DYM: variants seen among roughly 807,000 people sequenced by gnomAD.
DYM encodes the protein dymeclin.
In DYM, 78 loss-of-function variants were observed where a neutral mutation model predicts 93.1. The observed-to-expected ratio is 0.84, with a 90% CI of 0.70 to 1.01. The LOEUF is 1.01. DYM is among the 50% of genes least tolerant of loss of function. The pLI, the probability that DYM is intolerant of heterozygous loss-of-function variation, is 0.00. For missense variants in DYM, 789 were observed against 845.0 expected, an observed-to-expected ratio of 0.93 and a Z score of 0.82; for synonymous variants, 321 against 319.7, an observed-to-expected ratio of 1.00 and a Z score of -0.04.
intron 14 of DYM, among the ~76,000 whole-genome samples, chr18:49,191,444 C>G (rs2090966510): frequency 6.6e-6 from 1 of 151,770 alleles, no homozygotes; most frequent in African/African-American, 2.4e-5. Context: ...AAAAAAAAAT[C>G]AAACCTGTAT....
chr18:49,206,914 G>T (rs1246155245), intron 14 of DYM, among the ~76,000 whole-genome samples: 1 of 152,192 alleles, frequency 6.6e-6, no homozygotes, highest in Non-Finnish European at 1.5e-5. Context: ...AACAGAAAAT[G>T]CAGAATAAAT....
chr18:49,387,574 T>C (rs1379051397), intron 3 of DYM, among the ~76,000 whole-genome samples: 2 of 152,172 alleles, frequency 1.3e-5, no homozygotes, highest in Non-Finnish European at 2.9e-5. Context: ...CCTGGTCGAA[T>C]CCGTGATCTT....
intron 15 of DYM, among the ~76,000 whole-genome samples, chr18:49,150,108 G>A (rs968776191): frequency 5.9e-5 from 9 of 152,174 alleles, no homozygotes; most frequent in Non-Finnish European, 1.5e-5. Flanking sequence ...TAATGGGTAT[G>A]GGAAATTTAG....
intron 1 of DYM, among the ~76,000 whole-genome samples, chr18:49,431,557 CTTGAT>C (rs1433403581): frequency 6.6e-6 from 1 of 152,098 alleles, no homozygotes; most frequent in East Asian, 1.9e-4. Context: ...CATGTTTTAT[CTTGAT>C]TTGTTCAGAA....
chr18:49,186,686 CA>C (rs1235995725), intron 14 of DYM, among the ~76,000 whole-genome samples: 1 of 152,066 alleles, frequency 6.6e-6, no homozygotes, highest in Admixed American at 6.6e-5. Flanking sequence ...TGAGGTTCAC[CA>C]TCTTCACTCA....
intron 14 of DYM, among the ~76,000 whole-genome samples, chr18:49,166,986 TTCCGTGTGTGTG>T (rs2087958359): frequency 1.9e-5 from 2 of 107,218 alleles, no homozygotes; most frequent in South Asian, 7.1e-4. Context: ...CATTCTCACA[TTCCGTGTGTGTG>T]TGTGTGTGTG....
At chr18:49,228,778 G>T (rs2093614411) in intron 13 of DYM, among the ~76,000 whole-genome samples, 2 of 152,108 alleles carry the variant, frequency 1.3e-5, no homozygotes. Context: ...CAATGAAAGA[G>T]ATCATGATGG....
intron 2 of DYM, among the ~76,000 whole-genome samples, chr18:49,404,886 A>T (rs1283604218): frequency 6.6e-6 from 1 of 151,844 alleles, no homozygotes; most frequent in Non-Finnish European, 1.5e-5. Flanking sequence ...GGTGGTGGGC[A>T]CCTGTAATCC....
At chr18:49,248,053 A>T (rs2094207749) in intron 13 of DYM, among the ~76,000 whole-genome samples, 1 of 152,238 alleles carries the variant, frequency 6.6e-6, no homozygotes, top group Non-Finnish European at 1.5e-5. Context: ...AAGAAACTGG[A>T]ACCTTTTTAT....
intron 15 of DYM, among the ~76,000 whole-genome samples, chr18:49,137,471 G>C (rs192894862): frequency 1.7e-4 from 26 of 152,238 alleles, no homozygotes; most frequent in African/African-American, 6.0e-4. Context: ...GAACTAATTT[G>C]AAAATGACTT....
At chr18:49,065,975 G>T (rs1370307599) in intron 17 of DYM, among the ~76,000 whole-genome samples, 1 of 151,906 alleles carries the variant, frequency 6.6e-6, no homozygotes, top group Non-Finnish European at 1.5e-5. Flanking sequence ...ACCATAGTTT[G>T]TTCACTTTTT....
rs539237390 is a variant in DYM, at chr18:49,438,850, T to C, written c.-53-8403A>G. ...AGCCCCAATGGCATCTCTTCTGCAA[T>C]GATTCCTGCCAAGGATTCCAAACAC... On this transcript the variant is annotated intron_variant, in intron 1 of 17. Transcript: ENST00000675505. Among the ~76,000 whole-genome samples, 7 of 152,334 alleles carry C rather than the reference T, an allele frequency of 4.6e-5. 1 individual carries two copies. In the South Asian group the frequency reaches 1.0e-3, roughly 23 times the overall value.
At chr18:49,226,781 A>G (rs1482501627) in intron 13 of DYM, among the ~76,000 whole-genome samples, 1 of 152,168 alleles carries the variant, frequency 6.6e-6, no homozygotes, top group Non-Finnish European at 1.5e-5. Flanking sequence ...GACAGAGCAC[A>G]CATTAAAACT....
intron 13 of DYM, among the ~76,000 whole-genome samples, chr18:49,239,859 G>C (rs1052358818): frequency 1.3e-5 from 2 of 152,138 alleles, no homozygotes; most frequent in Non-Finnish European, 2.9e-5. Flanking sequence ...CTAAGTTTTG[G>C]GGTAGTTTGT....
chr18:49,228,709 C>T (rs1243241071), intron 13 of DYM, among the ~76,000 whole-genome samples: 1 of 152,096 alleles, frequency 6.6e-6, no homozygotes, highest in East Asian at 1.9e-4. Flanking sequence ...CTTATGAAGG[C>T]TACCTATCCT....
At chr18:49,247,476 G>C (rs975359156) in intron 13 of DYM, among the ~76,000 whole-genome samples, 1 of 152,110 alleles carries the variant, frequency 6.6e-6, no homozygotes, top group Non-Finnish European at 1.5e-5. Flanking sequence ...CAGGAATGGA[G>C]GCTTAATAAT....
At chr18:49,292,343 GA>G (rs2060178069) in intron 8 of DYM, among the ~76,000 whole-genome samples, 1 of 95,070 alleles carries the variant, frequency 1.1e-5, no homozygotes, top group Non-Finnish European at 2.2e-5. Context: ...CAGGCAGACA[GA>G]CAGACAGACA....
intron 11 of DYM, among the ~76,000 whole-genome samples, chr18:49,258,823 GAGACACACACACACAC>G (rs2094438658): frequency 1.8e-5 from 2 of 113,776 alleles, no homozygotes; most frequent in African/African-American, 7.1e-5. Flanking sequence ...CACACACACA[GAGACACACACACACAC>G]AGAGAGAGAG....
At chr18:49,325,988 AAG>A (rs1462186875) in intron 8 of DYM, among the ~76,000 whole-genome samples, 1 of 152,230 alleles carries the variant, frequency 6.6e-6, no homozygotes, top group Non-Finnish European at 1.5e-5. Flanking sequence ...CCCACAGCAG[AAG>A]AGATTCAGGA....
Sources: gnomAD v4.1 joint callset for allele counts (sites outside exome capture counted in the v4.1 genomes callset) on GRCh38, gnomAD v4.1.1 for gene constraint, MANE v1.5 for transcripts, NCBI Gene and HGNC (gene_info 2026-07-23, HGNC 2026-07-21) for gene names.